Variants in TECPR1 observed in about 807,000 individuals in gnomAD.
TECPR1 encodes tectonin beta-propeller repeat-containing protein 1.
In TECPR1, 122 loss-of-function variants were observed where a neutral mutation model predicts 162.4. The ratio of observed to expected loss-of-function variants is 0.75; its 90% CI spans 0.65 to 0.87. The LOEUF is 0.87. TECPR1 is among the 40% of genes least tolerant of loss of function. TECPR1 has a pLI of 0.00. For missense variants in TECPR1, 1,432 were observed against 1,618.2 expected (o/e 0.88, Z 1.97); for synonymous variants, 642 against 670.6 (o/e 0.96, Z 0.66).
At position 98,230,714 on chromosome 7, in the gene TECPR1, C is replaced by T. The variant is rs561058605; in HGVS notation, c.2282+247G>A. 6.0e-4 allele frequency among the ~76,000 whole-genome samples: 91 copies of T among 152,282 alleles called. 1 individual carries two copies. Among genetic ancestry groups the T allele is most frequent in the Middle Eastern group, 3.4e-3 (1 of 294 alleles). On this transcript the variant is annotated intron_variant, in intron 15 of 25. Coordinates refer to ENST00000447648, the MANE Select transcript of TECPR1 (RefSeq NM_015395.3). ...CCTCACCCACACTCCACATTCCTCC[C>T]GATGCTCAGAGGCTGCTGGGCGGCA... is the stretch of plus-strand genomic sequence containing the variant.
At chr7:98,238,371 CAGAA>C in intron 9 of TECPR1, 134 bp downstream of exon 9, 1 of 722,478 alleles carries the variant, frequency 1.4e-6, no homozygotes, top group Non-Finnish European at 2.3e-6. Flanking sequence ...CCTGGCACCT[CAGAA>C]AGAACTTCTT....
rs1451697820 is a variant in TECPR1, at chr7:98,229,057, C to T, written c.2392G>A (p.Gly798Arg). The change falls in exon 16 of 26, where the codon GGA becomes AGA. Residue 798 changes from glycine (G) to arginine (R), a missense_variant. By Grantham distance (125) the Gly-to-Arg change is moderately radical (BLOSUM62 -2). Transcript: ENST00000447648. ...HTAWVYTGGYGGGCFQGLASS... is the reference protein window; with the variant it reads ...HTAWVYTGGYRGGCFQGLASS... The stretch of plus-strand genomic sequence containing the variant: ...CCCTCACCTTGGAAGCAGCCGCCTC[C>T]ATAGCCGCCTGTGTATACCCAGGCC... 1 of 1,597,436 alleles carries T rather than the reference C, an allele frequency of 6.3e-7. No homozygotes were observed. The highest frequency in any genetic ancestry group is 1.7e-5 in the Admixed American group (1 of 57,750).
intron 15 of TECPR1, among the ~76,000 whole-genome samples, chr7:98,230,669 C>G (rs1193917901): frequency 6.6e-6 from 1 of 152,100 alleles, no homozygotes; most frequent in African/African-American, 2.4e-5. Flanking sequence ...TGGAAGCCCC[C>G]TGGGGTGGAG....
chr7:98,224,947 G>C (rs1272492170), intron 18 of TECPR1, 59 bp downstream of exon 18: 1 of 1,541,424 alleles, frequency 6.5e-7, no homozygotes, highest in Non-Finnish European at 8.8e-7. Flanking sequence ...CACTCGAGGA[G>C]GGGCAAGGAG....
In TECPR1 at chr7:98,243,377, G is replaced by A. The variant is rs1584355411; in HGVS notation, c.657+90C>T. 1.4e-5 allele frequency: 21 copies of A among 1,531,934 alleles called. No homozygotes were observed. The South Asian group carries it at 2.5e-4, about 19-fold the overall frequency. 94.9% of individuals were successfully genotyped at this position (1,531,934 alleles called of 1,614,324 possible). ...ATGGGGTGGGGGGGCCGGGGCTCCG[G>A]GGAGGAGCAAGACCCAGGGGGTGCA... On this transcript the variant is annotated intron_variant, in intron 6 of 25. Coordinates refer to ENST00000447648, the MANE Select transcript of TECPR1 (RefSeq NM_015395.3).
chr7:98,231,609 C>A (rs1435366295), intron 13 of TECPR1, 195 bp downstream of exon 13: 5 of 710,688 alleles, frequency 7.0e-6, no homozygotes, highest in Non-Finnish European at 1.1e-5. Flanking sequence ...CTGGGGCACC[C>A]CCATTTCTGT....
chr7:98,222,736 G>T, intron 21 of TECPR1: 1 of 786,076 alleles, frequency 1.3e-6, no homozygotes, highest in East Asian at 2.5e-5. Flanking sequence ...CCCCGTGGGC[G>T]TGTGCACCTC....
At chr7:98,228,425 G>A (rs748161408) in intron 16 of TECPR1, 26 of 361,320 alleles carry the variant, frequency 7.2e-5, no homozygotes, top group Non-Finnish European at 1.2e-4. Flanking sequence ...CACCAGGGAG[G>A]CATGAGGCCC....
intron 21 of TECPR1, 52 bp from the exon 22 acceptor site, chr7:98,222,573 G>T (rs1162787836): frequency 1.3e-6 from 2 of 1,536,636 alleles, no homozygotes; most frequent in East Asian, 4.9e-5. Flanking sequence ...CACCCCCAGG[G>T]CCCCACCTCC....
At chr7:98,235,544 C>G (rs1453728347) in intron 10 of TECPR1, among the ~76,000 whole-genome samples, 3 of 107,956 alleles carry the variant, frequency 2.8e-5, no homozygotes, top group Non-Finnish European at 5.8e-5. Context: ...AAAAAAAGAA[C>G]TACCAGCTGG....
In TECPR1 at chr7:98,223,151, T is replaced by G. The variant is rs1260468405; in HGVS notation, c.2767A>C (p.Ser923Arg). 6 of 1,602,744 alleles carry G rather than the reference T, an allele frequency of 3.7e-6. No individual in the cohort carries two copies. The highest frequency in any genetic ancestry group is 5.1e-6 in the Non-Finnish European group (6 of 1,175,368). The change falls in exon 21 of 26, where the codon AGT becomes CGT. Residue 923 changes from serine to arginine, a missense_variant. Ser to Arg is a moderately radical substitution (Grantham distance 110, BLOSUM62 -1). Transcript: ENST00000447648. ...GGGGGCACCTCCAGCCAGGGCCCAC[T>G]GGTCACCAGCTTGCATTTTCTGTAC... is the stretch of plus-strand genomic sequence containing the variant. ...CWARKCKLVT[S>R]GPWLEVPPIA...
At chr7:98,231,738 C>T in intron 13 of TECPR1, 66 bp downstream of exon 13, 1 of 1,563,574 alleles carries the variant, frequency 6.4e-7, no homozygotes, top group African/African-American at 1.4e-5. Context: ...ATTTCTGTAC[C>T]CCTCCTCTAG....
Position 98,236,824 on chromosome 7 carries a change from G to T in TECPR1, c.1133C>A (p.Ala378Asp), listed in dbSNP as rs200706061. The change falls in exon 10 of 26, where the codon GCC (alanine) becomes GAC (aspartate). Residue 378 changes from alanine to aspartate, a missense_variant. Coordinates refer to ENST00000447648, the MANE Select transcript of TECPR1 (RefSeq NM_015395.3). ...AGAGTGTGACCGGTCACACTCTCGGGCCGCGATGATGGCTTTCCAGGTCTT... is the reference window on the plus strand; with the variant it reads ...AGAGTGTGACCGGTCACACTCTCGGTCCGCGATGATGGCTTTCCAGGTCTT... ...SGKTWKAIIA[A>D]RECDRSHSGS... 1.4e-4 allele frequency: 227 copies of T among 1,588,782 alleles called. 1 individual carries two copies. The East Asian group carries it at 5.2e-3, about 36-fold the overall frequency.
chr7:98,233,962 C>T, intron 10 of TECPR1, 51 bp from the exon 11 acceptor site: 1 of 1,465,816 alleles, frequency 6.8e-7, no homozygotes, highest in Non-Finnish European at 9.1e-7. Context: ...GGAACAGGCG[C>T]TGTCAGGCAG....
chr7:98,232,083 C>A lies in TECPR1; in HGVS notation c.1819-124G>T. On this transcript the variant is annotated intron_variant, in intron 12 of 25. Transcript: ENST00000447648. The surrounding 1 kb of genome is among the most constrained non-coding windows in gnomAD (Gnocchi z 4.6). ...GGTAGGGCCCACCCAGCACTCCCGGCTGTCAGCCCAGCTCCCCCTATGCTA... is the reference window on the plus strand; with the variant it reads ...GGTAGGGCCCACCCAGCACTCCCGGATGTCAGCCCAGCTCCCCCTATGCTA... 9.7e-7 allele frequency: 1 copy of A among 1,028,678 alleles called. No homozygotes were observed. The highest frequency in any genetic ancestry group is 1.4e-6 in the Non-Finnish European group (1 of 710,724). The allele number at this position is 1,028,678 out of a possible 1,614,324, so 63.7% of individuals were successfully genotyped here.
intron 6 of TECPR1, among the ~76,000 whole-genome samples, chr7:98,242,931 C>G (rs991200133): frequency 1.2e-3 from 12 of 10,212 alleles, no homozygotes; most frequent in East Asian, 6.8e-3. Flanking sequence ...CACCCATCCG[C>G]CCATCCACAC....
At chr7:98,226,365 C>T in intron 17 of TECPR1, 7 of 817,768 alleles carry the variant, frequency 8.6e-6, no homozygotes, top group Non-Finnish European at 1.0e-5. Flanking sequence ...TAAATGGTTC[C>T]ATAGGACGCT....
At chr7:98,243,781 A>G (rs1360522634) in intron 5 of TECPR1, among the ~76,000 whole-genome samples, 189 bp from the exon 6 acceptor site, 1 of 152,160 alleles carries the variant, frequency 6.6e-6, no homozygotes, top group Admixed American at 6.5e-5. Context: ...TTTTCAGTAG[A>G]GACGTGGTTT....
chr7:98,240,712 G>A, intron 8 of TECPR1, 139 bp downstream of exon 8: 2 of 748,778 alleles, frequency 2.7e-6, no homozygotes, highest in South Asian at 3.9e-5. Context: ...ACTGCACCCG[G>A]CCTGGGTTTT....
Sources: allele counts gnomAD v4.1 joint callset (sites outside exome capture counted in the v4.1 genomes callset), GRCh38; gene constraint gnomAD v4.1.1; non-coding constraint Gnocchi (gnomAD v3.1); transcripts MANE v1.5; gene names NCBI Gene and HGNC (gene_info 2026-07-23, HGNC 2026-07-21).